PPARG: variants seen among roughly 807,000 people sequenced by gnomAD.
PPARG encodes the protein peroxisome proliferator-activated receptor gamma.
Under a neutral mutation model 39.2 loss-of-function variants are expected in PPARG, and 17 were observed. That is an observed-to-expected ratio of 0.43 (90% CI 0.30 to 0.65). The LOEUF is 0.65. Ranked by LOEUF, PPARG falls within the 30% of genes least tolerant of loss-of-function variation. The pLI, the probability that PPARG is intolerant of heterozygous loss-of-function variation, is 0.13. For synonymous variants in PPARG, 223 were observed against 215.7 expected, an observed-to-expected ratio of 1.03 and a Z score of -0.30; for missense variants, 406 against 585.9, an observed-to-expected ratio of 0.69 and a Z score of 3.17.
chr3:12,305,897 A>G (rs1028474684), intron 1 of PPARG: 4 of 152,260 alleles, frequency 2.6e-5, no homozygotes, highest in Non-Finnish European at 5.9e-5. Context: ...TCATTTAACC[A>G]TCCTTCTGAA....
chr3:12,412,946 C>T (rs2050929165), intron 6 of PPARG, among the ~76,000 whole-genome samples: 1 of 152,070 alleles, frequency 6.6e-6, no homozygotes, highest in Non-Finnish European at 1.5e-5. Flanking sequence ...AGTGTAAAAT[C>T]ATTAAGACAA....
intron 1 of PPARG, chr3:12,301,585 G>A (rs1378171745): frequency 1.3e-5 from 2 of 152,130 alleles, no homozygotes; most frequent in Non-Finnish European, 2.9e-5. Context: ...TACAAGCAAA[G>A]CAAATAGATG....
chr3:12,324,179 T>C (rs1466961874), intron 2 of PPARG, among the ~76,000 whole-genome samples: 3 of 152,030 alleles, frequency 2.0e-5, no homozygotes, highest in Admixed American at 6.5e-5. Context: ...CTTGGGAGGC[T>C]GAGGCAGGAA....
intron 4 of PPARG, among the ~76,000 whole-genome samples, chr3:12,391,128 G>A (rs1447189593): frequency 2.0e-5 from 3 of 152,210 alleles, no homozygotes; most frequent in Non-Finnish European, 4.4e-5. Context: ...GAAGTTACGT[G>A]ACATCTGTAT....
At chr3:12,345,122 T>G (rs1342185187) in intron 2 of PPARG, among the ~76,000 whole-genome samples, 1 of 152,200 alleles carries the variant, frequency 6.6e-6, no homozygotes, top group Admixed American at 6.5e-5. Flanking sequence ...AGTAGAAATT[T>G]TCAAATAGTA....
At chr3:12,289,596 C>G (rs989390883) in intron 1 of PPARG, among the ~76,000 whole-genome samples, 1 of 152,146 alleles carries the variant, frequency 6.6e-6, no homozygotes, top group Non-Finnish European at 1.5e-5. Flanking sequence ...AGGACCTGGG[C>G]AAATCTTCGA....
intron 2 of PPARG, among the ~76,000 whole-genome samples, chr3:12,328,568 GCTT>G (rs1400333693): frequency 1.3e-5 from 2 of 152,180 alleles, no homozygotes; most frequent in Non-Finnish European, 2.9e-5. Flanking sequence ...CTCTGCCTGA[GCTT>G]TCCACTAGGC....
At chr3:12,420,282 G>T (rs1200931760) in intron 7 of PPARG, among the ~76,000 whole-genome samples, 1 of 152,188 alleles carries the variant, frequency 6.6e-6, no homozygotes, top group Non-Finnish European at 1.5e-5. Flanking sequence ...TCGAGGATGA[G>T]ATCCACCTCC....
chr3:12,313,363 G>C (rs1313004929), intron 2 of PPARG, among the ~76,000 whole-genome samples: 4 of 152,096 alleles, frequency 2.6e-5, no homozygotes, highest in Non-Finnish European at 4.4e-5. Flanking sequence ...CTAGATCGTG[G>C]TTTCCAAATA....
At chr3:12,408,192 A>C (rs899449360) in intron 6 of PPARG, among the ~76,000 whole-genome samples, 2 of 152,220 alleles carry the variant, frequency 1.3e-5, no homozygotes, top group Non-Finnish European at 2.9e-5. Context: ...CGGTCTGAGA[A>C]AACTTTCCAT....
chr3:12,391,024 CT>C (rs1026018140), intron 4 of PPARG, among the ~76,000 whole-genome samples: 1 of 152,158 alleles, frequency 6.6e-6, no homozygotes, highest in African/African-American at 2.4e-5. Context: ...AACCTATCGC[CT>C]TTGTAACATC....
rs370812792 is a variant in PPARG, at chr3:12,414,331, G to A, written c.730-2373G>A. Among the ~76,000 whole-genome samples, 24 of 152,252 alleles carry A rather than the reference G, an allele frequency of 1.6e-4. No individual in the cohort carries two copies. The East Asian group carries it at 3.9e-3, about 25-fold the overall frequency. On this transcript the variant is annotated intron_variant, in intron 6 of 7. Coordinates refer to ENST00000651735, the MANE Select transcript of PPARG (RefSeq NM_138711.6). ...CATGACATGAAAGAAAGCCAATAAA[G>A]GCTAGTTGTGGTGGCTCACACCTGT...
intron 2 of PPARG, among the ~76,000 whole-genome samples, chr3:12,331,447 A>C (rs1254887442): frequency 4.6e-5 from 7 of 152,220 alleles, no homozygotes; most frequent in African/African-American, 1.7e-4. Context: ...GGAGAAAAGG[A>C]ATCCAGTGAG....
intron 5 of PPARG, among the ~76,000 whole-genome samples, chr3:12,399,771 G>T (rs2050403102): frequency 6.7e-6 from 1 of 149,080 alleles, no homozygotes; most frequent in African/African-American, 2.5e-5. Flanking sequence ...GGGAGACTGA[G>T]GCAGGAGGAT....
chr3:12,361,825 T>C (rs956074725), intron 2 of PPARG, among the ~76,000 whole-genome samples: 4 of 152,232 alleles, frequency 2.6e-5, no homozygotes, highest in Non-Finnish European at 4.4e-5. Context: ...TGAATTTCCT[T>C]ATAAATTTTA....
intron 2 of PPARG, among the ~76,000 whole-genome samples, chr3:12,362,741 C>G (rs547748867): frequency 1.3e-5 from 2 of 152,006 alleles, no homozygotes; most frequent in South Asian, 4.2e-4. Context: ...TTGCTGATCT[C>G]AAGAGGAAGG....
chr3:12,314,483 T>C (rs71304099), intron 2 of PPARG, among the ~76,000 whole-genome samples: 18 of 152,228 alleles, frequency 1.2e-4, no homozygotes, highest in Non-Finnish European at 2.2e-4. Flanking sequence ...TGAGCTCATA[T>C]GCCCCTGATA....
intron 2 of PPARG, among the ~76,000 whole-genome samples, chr3:12,365,601 A>C (rs1559509350): frequency 6.6e-6 from 1 of 151,794 alleles, no homozygotes; most frequent in Non-Finnish European, 1.5e-5. Flanking sequence ...TATTGTTATT[A>C]TTATATTTTT....
chr3:12,304,089 C>T (rs2046997558), intron 1 of PPARG, among the ~76,000 whole-genome samples: 1 of 152,106 alleles, frequency 6.6e-6, no homozygotes, highest in East Asian at 1.9e-4. Context: ...CACTTATTTC[C>T]AACTTTAATA....
Sources: gnomAD v4.1 joint callset for allele counts (sites outside exome capture counted in the v4.1 genomes callset) on GRCh38, gnomAD v4.1.1 for gene constraint, MANE v1.5 for transcripts, NCBI Gene and HGNC (gene_info 2026-07-23, HGNC 2026-07-21) for gene names.